Variants in SLC36A4 observed in about 807,000 individuals in gnomAD.
SLC36A4 encodes the protein solute carrier family 36 member 4, also known as neutral amino acid uniporter 4.
In SLC36A4, 49 loss-of-function variants were observed where a neutral mutation model predicts 50.5. That is an observed-to-expected ratio of 0.97 (90% CI 0.77 to 1.23). SLC36A4 has a LOEUF of 1.23. SLC36A4 is among the 50% of genes most tolerant of loss of function. SLC36A4 has a pLI of 0.00. For missense variants in SLC36A4, 611 were observed against 608.4 expected, an observed-to-expected ratio of 1.00 and a Z score of -0.05; for synonymous variants, 207 against 206.5, an observed-to-expected ratio of 1.00 and a Z score of -0.02.
chr11:93,180,022 C>G, intron 6 of SLC36A4: 1 of 870,936 alleles, frequency 1.1e-6, no homozygotes. Context: ...AGAAAACATA[C>G]ACACTCCATC....
intron 10 of SLC36A4, chr11:93,152,766 C>T (rs970542350): frequency 2.6e-5 from 4 of 152,062 alleles, no homozygotes; most frequent in Non-Finnish European, 4.4e-5. Context: ...ATTTCCATTA[C>T]CAACTTTAAA....
Position 93,153,506 on chromosome 11 carries a change from T to C in SLC36A4, c.1207+602A>G, listed in dbSNP as rs188168095. Among the ~76,000 whole-genome samples the C allele has an allele frequency of 2.6e-3, 390 of 152,188 alleles. 4 individuals carry two copies. The highest frequency in any genetic ancestry group is 9.0e-3 in the African/African-American group (375 of 41,536). On this transcript the variant is annotated intron_variant, in intron 10 of 10. Transcript: ENST00000326402. ...ACCGAGTAAGTGATAGGCTTGACTT[T>C]GAATTCCCAGATCTGTCTGACTCCA... is the stretch of plus-strand genomic sequence containing the variant.
At chr11:93,153,533 AACTTAC>A (rs1480959004) in intron 10 of SLC36A4, among the ~76,000 whole-genome samples, 2 of 151,516 alleles carry the variant, frequency 1.3e-5, no homozygotes, top group East Asian at 3.9e-4. Flanking sequence ...CTGACTCCAA[AACTTAC>A]ACTCTTTCCA....
chr11:93,165,953 CAA>C lies in SLC36A4; in HGVS notation c.830_831del (p.Phe277TrpfsTer8), dbSNP rs1209538208. ...VAGWKKYPLF[F>X]GTAVFAFEGI... The stretch of plus-strand genomic sequence containing the variant: ...CCTTCAAAAGCAAATACAGCAGTAC[CAA>C]AAAAGAGTGGGTATTTCTTCCAACC... On this transcript the variant is annotated frameshift_variant, in exon 8 of 11. Coordinates refer to ENST00000326402, the MANE Select transcript of SLC36A4 (RefSeq NM_152313.4). LOFTEE classifies it high-confidence loss of function. The C allele has an allele frequency of 1.9e-6, 3 of 1,610,192 alleles. No individual in the cohort carries two copies. Among genetic ancestry groups the C allele is most frequent in the Admixed American group, 3.3e-5 (2 of 59,852 alleles).
chr11:93,188,235 T>C (rs1862073227), intron 1 of SLC36A4, among the ~76,000 whole-genome samples: 1 of 152,100 alleles, frequency 6.6e-6, no homozygotes, highest in Non-Finnish European at 1.5e-5. Context: ...AATTCACAGG[T>C]TTTAGGGGAG....
rs1174054553 is a variant in SLC36A4 at position 93,145,875 on chromosome 11, T to C, written c.*2662A>G. ...AATTTTACGACTTATTAAAGCTAAA[T>C]TTTCAGAGAAAAAATTACCCACTGG... On this transcript the variant is annotated 3_prime_UTR_variant, in exon 11 of 11. Transcript: ENST00000326402. The C allele has an allele frequency of 6.6e-6, 1 of 152,064 alleles. No individual in the cohort carries two copies. The highest frequency in any genetic ancestry group is 2.4e-5 in the African/African-American group (1 of 41,436). 9.4% of individuals were successfully genotyped at this position (152,064 alleles called of 1,614,324 possible). A position where few individuals can be genotyped will look rare whatever the true frequency, so the allele number is the denominator to read the frequency against.
At position 93,182,804 on chromosome 11, in the gene SLC36A4, A is replaced by G. The variant is rs1687936241; in HGVS notation, c.359+2T>C. 5 of 1,598,530 alleles carry G rather than the reference A, an allele frequency of 3.1e-6. No individual in the cohort carries two copies. The highest frequency in any genetic ancestry group is 3.4e-6 in the Non-Finnish European group (4 of 1,169,550). On this transcript the variant is annotated splice_donor_variant, in intron 4 of 10. Transcript: ENST00000326402. LOFTEE classifies it high-confidence loss of function. ...AAATAGGCTTAACAAATCCACATTT[A>G]CCTCAGACATAGAAAGTGACTGCAA...
rs1469172292 is a variant in SLC36A4 at position 93,162,740 on chromosome 11, CT to C, written c.1002del (p.Gly335AlafsTer3). On this transcript the variant is annotated frameshift_variant, in exon 9 of 11. Coordinates refer to ENST00000326402, the MANE Select transcript of SLC36A4 (RefSeq NM_152313.4). LOFTEE classifies it high-confidence loss of function. Reference protein sequence around the residue: ...LGYMCFHDEIKGSITLNLPQD... With the variant: ...LGYMCFHDEIXGSITLNLPQD... ...TGGGGAAGATTTAAAGTTATGCTGC[CT>C]TTGATTTCATCATGGAAACACATAT... 15 of 1,612,374 alleles carry C rather than the reference CT, an allele frequency of 9.3e-6. No homozygotes were observed. Among genetic ancestry groups the C allele is most frequent in the African/African-American group, 8.0e-5 (6 of 74,810 alleles).
Position 93,146,852 on chromosome 11 carries a change from A to C in SLC36A4, c.*1685T>G, listed in dbSNP as rs886391516. 2 of 152,118 alleles carry C rather than the reference A, an allele frequency of 1.3e-5. No individual in the cohort carries two copies. Among genetic ancestry groups the C allele is most frequent in the African/African-American group, 2.4e-5 (1 of 41,444 alleles). The allele number at this position is 152,118 out of a possible 1,614,324, so 9.4% of individuals were successfully genotyped here. On this transcript the variant is annotated 3_prime_UTR_variant, in exon 11 of 11. Coordinates refer to ENST00000326402, the MANE Select transcript of SLC36A4 (RefSeq NM_152313.4). ...TTCTTTATCTTGGTTAATAACTTGA[A>C]AAATATGGAATAATTAGAAGTTATT... is the stretch of plus-strand genomic sequence containing the variant.
In SLC36A4 at chr11:93,197,936, G is replaced by A. The variant is rs1015763204; in HGVS notation, c.-104C>T. ...ACCTCCCCTGCCCGGAGGGACCCGC[G>A]CCTGGTGCCCGCCTCCCTGCCCCGG... On this transcript the variant is annotated 5_prime_UTR_variant, in exon 1 of 11. Coordinates refer to ENST00000326402, the MANE Select transcript of SLC36A4 (RefSeq NM_152313.4). 10 of 1,186,032 alleles carry A rather than the reference G, an allele frequency of 8.4e-6. No individual in the cohort carries two copies. The highest frequency in any genetic ancestry group is 2.9e-4 in the Middle Eastern group (1 of 3,400). The allele number at this position is 1,186,032 out of a possible 1,614,324, so 73.5% of individuals were successfully genotyped here.
At chr11:93,156,801 T>C (rs113846724) in intron 9 of SLC36A4, among the ~76,000 whole-genome samples, 7 of 152,308 alleles carry the variant, frequency 4.6e-5, no homozygotes, top group African/African-American at 1.7e-4. Flanking sequence ...ATTCTGTAGG[T>C]TGCCTGTTCA....
In SLC36A4 at chr11:93,181,805, C is replaced by T. The variant is rs192990733; in HGVS notation, c.360-19G>A. On this transcript the variant is annotated intron_variant, in intron 4 of 10. Coordinates refer to ENST00000326402, the MANE Select transcript of SLC36A4 (RefSeq NM_152313.4). ...TTTAAACCTGTAATTTAATGACATA[C>T]ATACAAAGGAAAAAAGAAAAATTTT... The T allele has an allele frequency of 6.5e-6, 10 of 1,526,870 alleles. No individual in the cohort carries two copies. In the Admixed American group the frequency reaches 1.4e-4, roughly 21 times the overall value. The allele number at this position is 1,526,870 out of a possible 1,614,324, so 94.6% of individuals were successfully genotyped here.
intron 1 of SLC36A4, among the ~76,000 whole-genome samples, chr11:93,188,211 T>A (rs1221031200): frequency 1.3e-5 from 2 of 152,236 alleles, no homozygotes; most frequent in Non-Finnish European, 2.9e-5. Flanking sequence ...ATGGTTTACT[T>A]GTGCTTCAAG....
chr11:93,185,578 C>T, intron 2 of SLC36A4, 113 bp downstream of exon 2: 1 of 969,252 alleles, frequency 1.0e-6, no homozygotes, highest in Non-Finnish European at 1.5e-6. Flanking sequence ...AAGGTGGAGA[C>T]TATGTCTTAT....
At chr11:93,170,191 C>A (rs1482253298) in intron 6 of SLC36A4, 1 of 152,096 alleles carries the variant, frequency 6.6e-6, no homozygotes, top group African/African-American at 2.4e-5. Flanking sequence ...GGACTTCCTA[C>A]GATCTCACAT....
rs1308613491 is a variant in SLC36A4, at chr11:93,165,997, T to C, written c.788A>G (p.Asn263Ser). The C allele has an allele frequency of 6.2e-7, 1 of 1,610,124 alleles. No individual in the cohort carries two copies. The highest frequency in any genetic ancestry group is 1.1e-5 in the South Asian group (1 of 90,358). Reference protein sequence around the residue: ...YVVRNMPDPHNLPIVAGWKKY... With the variant: ...YVVRNMPDPHSLPIVAGWKKY... The stretch of plus-strand genomic sequence containing the variant: ...CTTCCAACCAGCCACTATTGGAAGG[T>C]TGTGGGGATCTGGCATGTTCTAAAG... Residue 263 changes from asparagine to serine, a missense_variant, in exon 8 of 11, where the codon AAC (asparagine) becomes AGC (serine). Coordinates refer to ENST00000326402, the MANE Select transcript of SLC36A4 (RefSeq NM_152313.4).
At chr11:93,189,579 T>G (rs1862128425) in intron 1 of SLC36A4, among the ~76,000 whole-genome samples, 1 of 152,226 alleles carries the variant, frequency 6.6e-6, no homozygotes, top group Non-Finnish European at 1.5e-5. Flanking sequence ...AGAGTTCATT[T>G]GCTTTTATTC....
chr11:93,169,029 C>A (rs1206303408), intron 6 of SLC36A4, among the ~76,000 whole-genome samples: 1 of 151,936 alleles, frequency 6.6e-6, no homozygotes, highest in African/African-American at 2.4e-5. Context: ...AACTAGAATA[C>A]CAGTGAAAAC....
chr11:93,195,886 G>A (rs1223050632), intron 1 of SLC36A4, among the ~76,000 whole-genome samples: 1 of 152,018 alleles, frequency 6.6e-6, no homozygotes, highest in East Asian at 1.9e-4. Context: ...AAACTGCCTA[G>A]CCCCCACCCT....
Sources: gnomAD v4.1 joint callset for allele counts (sites outside exome capture counted in the v4.1 genomes callset) on GRCh38, gnomAD v4.1.1 for gene constraint, MANE v1.5 for transcripts, NCBI Gene and HGNC (gene_info 2026-07-23, HGNC 2026-07-21) for gene names.